Variants in SND1 observed in about 807,000 individuals in gnomAD.
SND1 encodes the protein staphylococcal nuclease domain-containing protein 1.
In SND1, 38 loss-of-function variants were observed where a neutral mutation model predicts 121.7. The observed-to-expected ratio is 0.31, with a 90% CI of 0.24 to 0.41. The LOEUF (loss-of-function observed/expected upper bound fraction) is 0.41. Ranked by LOEUF, SND1 falls within the 10% of genes least tolerant of loss-of-function variation. The pLI, the probability that SND1 is intolerant of heterozygous loss-of-function variation, is 1.00. For synonymous variants in SND1, 401 were observed against 447.4 expected, an observed-to-expected ratio of 0.90 and a Z score of 1.31; for missense variants, 868 against 1,184.6, an observed-to-expected ratio of 0.73 and a Z score of 3.92.
chr7:127,918,485 G>C (rs1270395453), intron 14 of SND1, among the ~76,000 whole-genome samples: 3 of 152,100 alleles, frequency 2.0e-5, no homozygotes, highest in Non-Finnish European at 4.4e-5. Context: ...GAAATTATCT[G>C]TACTACTAAC....
chr7:127,695,179 G>A (rs537234992), intron 3 of SND1, among the ~76,000 whole-genome samples: 1 of 152,268 alleles, frequency 6.6e-6, no homozygotes, highest in East Asian at 1.9e-4. Flanking sequence ...TGGTTTAGGT[G>A]CATGTAGTAT....
chr7:127,820,887 G>A (rs1290583212), intron 11 of SND1, among the ~76,000 whole-genome samples: 1 of 152,180 alleles, frequency 6.6e-6, no homozygotes, highest in Non-Finnish European at 1.5e-5. Flanking sequence ...CAAGGAAAAA[G>A]TGATTTGCTA....
At chr7:127,975,977 A>G (rs1322445895) in intron 15 of SND1, among the ~76,000 whole-genome samples, 1 of 152,184 alleles carries the variant, frequency 6.6e-6, no homozygotes, top group Non-Finnish European at 1.5e-5. Flanking sequence ...ATGGGCTTAT[A>G]CATGAGAGTT....
At chr7:127,956,000 C>T (rs1220503281) in intron 15 of SND1, among the ~76,000 whole-genome samples, 1 of 152,196 alleles carries the variant, frequency 6.6e-6, no homozygotes, top group Admixed American at 6.5e-5. Flanking sequence ...GCATCTAACC[C>T]TTTCTGCTCT....
intron 10 of SND1, among the ~76,000 whole-genome samples, chr7:127,768,981 C>G (rs1797467209): frequency 6.6e-6 from 1 of 152,188 alleles, no homozygotes; most frequent in Non-Finnish European, 1.5e-5. Flanking sequence ...CTCCTACCTT[C>G]TTTATCTCAG....
chr7:128,011,508 CAT>C (rs1453621565), intron 16 of SND1, among the ~76,000 whole-genome samples: 5 of 152,208 alleles, frequency 3.3e-5, no homozygotes, highest in Non-Finnish European at 5.9e-5. Context: ...TATTGTGTAA[CAT>C]GTGATCAGGG....
intron 16 of SND1, among the ~76,000 whole-genome samples, chr7:128,020,378 A>G (rs546903888): frequency 1.3e-5 from 2 of 152,322 alleles, no homozygotes; most frequent in African/African-American, 4.8e-5. Context: ...TGGAGTTGTA[A>G]GTCATGGTGG....
chr7:127,970,484 G>C (rs546702846), intron 15 of SND1, among the ~76,000 whole-genome samples: 7 of 152,302 alleles, frequency 4.6e-5, no homozygotes, highest in African/African-American at 1.7e-4. Flanking sequence ...ACATGAAGAT[G>C]TCTTTGCTGT....
intron 17 of SND1, among the ~76,000 whole-genome samples, chr7:128,077,383 T>G (rs3808053): frequency 0.083 from 12,718 of 152,324 alleles, 624 homozygotes; most frequent in South Asian, 0.16. Flanking sequence ...CTGCCTGGTC[T>G]GTGCCTGGCT....
At chr7:127,656,558 G>T (rs1795213185) in intron 1 of SND1, among the ~76,000 whole-genome samples, 1 of 151,992 alleles carries the variant, frequency 6.6e-6, no homozygotes, top group Admixed American at 6.6e-5. Flanking sequence ...CAAGCTGTCT[G>T]CCCACCTCGG....
At chr7:127,923,518 T>C (rs1305806935) in intron 14 of SND1, among the ~76,000 whole-genome samples, 1 of 152,192 alleles carries the variant, frequency 6.6e-6, no homozygotes, top group African/African-American at 2.4e-5. Context: ...GAGGGCATTC[T>C]CAGAGTATCC....
At chr7:127,687,454 TCTCACCCCC>T (rs1795832930) in intron 2 of SND1, among the ~76,000 whole-genome samples, 1 of 152,300 alleles carries the variant, frequency 6.6e-6, no homozygotes, top group African/African-American at 2.4e-5. Flanking sequence ...ATCTTTTAAT[TCTCACCCCC>T]CTCACTCCTT....
chr7:128,039,979 C>T (rs1792821728), intron 16 of SND1, among the ~76,000 whole-genome samples: 1 of 152,150 alleles, frequency 6.6e-6, no homozygotes, highest in Non-Finnish European at 1.5e-5. Context: ...CGGGTACCTG[C>T]TGGGCAAGGA....
chr7:127,786,706 C>T (rs1456326939), intron 10 of SND1, among the ~76,000 whole-genome samples: 1 of 152,102 alleles, frequency 6.6e-6, no homozygotes, highest in East Asian at 1.9e-4. Context: ...TGCAGTGGCG[C>T]GATCTCGACT....
intron 9 of SND1, among the ~76,000 whole-genome samples, chr7:127,714,516 A>G (rs1341615243): frequency 1.3e-5 from 2 of 152,184 alleles, no homozygotes; most frequent in African/African-American, 4.8e-5. Flanking sequence ...GTAGTATCTT[A>G]ACGATTTTTA....
At chr7:127,968,117 C>G (rs1320766006) in intron 15 of SND1, among the ~76,000 whole-genome samples, 4 of 152,228 alleles carry the variant, frequency 2.6e-5, no homozygotes, top group Admixed American at 2.6e-4. Context: ...CCTCTCTCTC[C>G]TTTTCAGGGA....
intron 10 of SND1, among the ~76,000 whole-genome samples, chr7:127,737,066 G>A (rs1234407247): frequency 6.6e-6 from 1 of 152,190 alleles, no homozygotes; most frequent in Admixed American, 6.5e-5. Context: ...TGTATGTAAA[G>A]CAATTATATG....
At chr7:127,813,287 T>G (rs973285328) in intron 11 of SND1, among the ~76,000 whole-genome samples, 19 of 152,210 alleles carry the variant, frequency 1.2e-4, no homozygotes, top group African/African-American at 4.6e-4. Flanking sequence ...TTGGGAAGGA[T>G]CCTAATCTTT....
chr7:127,986,932 TA>T (rs1427915022), intron 15 of SND1, among the ~76,000 whole-genome samples: 1 of 152,266 alleles, frequency 6.6e-6, no homozygotes, highest in African/African-American at 2.4e-5. Context: ...TTGTGTTTAT[TA>T]AAACAAAATA....
Sources: allele counts gnomAD v4.1 joint callset (sites outside exome capture counted in the v4.1 genomes callset), GRCh38; gene constraint gnomAD v4.1.1; transcripts MANE v1.5; gene names NCBI Gene and HGNC (gene_info 2026-07-23, HGNC 2026-07-21).